Variants in RYR3 observed in about 807,000 individuals in gnomAD.
The protein encoded by RYR3 is ryanodine receptor 3, also known as brain ryanodine receptor-calcium release channel.
A neutral mutation model predicts 584.3 loss-of-function variants in RYR3; 207 were observed. The observed-to-expected ratio is 0.35, with a 90% CI of 0.32 to 0.40. The LOEUF is 0.40. RYR3 is among the 10% of genes least tolerant of loss of function. The pLI is 1.00. For synonymous variants in RYR3, 2,416 were observed against 2,248.5 expected (o/e 1.07, Z -2.11); for missense variants, 5,616 against 6,089.2 (o/e 0.92, Z 2.59).
At chr15:33,814,279 C>T (rs1242727298) in intron 74 of RYR3, among the ~76,000 whole-genome samples, 1 of 152,090 alleles carries the variant, frequency 6.6e-6, no homozygotes, top group Non-Finnish European at 1.5e-5. Context: ...TGTCCTCAGA[C>T]TTATTGCAGA....
intron 102 of RYR3, among the ~76,000 whole-genome samples, chr15:33,862,343 G>C (rs79583520): frequency 0.033 from 4,931 of 150,878 alleles, 161 homozygotes; most frequent in Non-Finnish European, 0.039. Context: ...TGAGTAGCTG[G>C]GACAGGTGTA....
chr15:33,672,877 G>T (rs989676825), intron 38 of RYR3, among the ~76,000 whole-genome samples: 1 of 152,138 alleles, frequency 6.6e-6, no homozygotes, highest in East Asian at 1.9e-4. Flanking sequence ...TATAGTTGGG[G>T]GAAGCAGGAC....
At chr15:33,793,180 G>C (rs1350233333) in intron 67 of RYR3, among the ~76,000 whole-genome samples, 2 of 152,200 alleles carry the variant, frequency 1.3e-5, no homozygotes, top group African/African-American at 2.4e-5. Flanking sequence ...AAATGGAAAA[G>C]ACGCATAGGG....
chr15:33,702,562 G>A (rs140342751), intron 42 of RYR3, among the ~76,000 whole-genome samples: 10 of 152,216 alleles, frequency 6.6e-5, no homozygotes, highest in Admixed American at 5.2e-4. Context: ...ATGAGTTTGG[G>A]GTCTGTCAAG....
intron 38 of RYR3, among the ~76,000 whole-genome samples, chr15:33,688,538 A>G (rs2065177999): frequency 6.9e-6 from 1 of 145,976 alleles, no homozygotes; most frequent in African/African-American, 2.6e-5. Flanking sequence ...GCGCCACTGC[A>G]CTCCAGCCTG....
At chr15:33,443,258 CAAA>C (rs5811759) in intron 1 of RYR3, among the ~76,000 whole-genome samples, 3 of 137,046 alleles carry the variant, frequency 2.2e-5, no homozygotes, top group African/African-American at 5.2e-5. Flanking sequence ...GACTCCACCT[CAAA>C]AAAAAAAAAA....
At chr15:33,746,870 G>T (rs1449878888) in intron 53 of RYR3, among the ~76,000 whole-genome samples, 1 of 146,042 alleles carries the variant, frequency 6.8e-6, no homozygotes, top group African/African-American at 2.5e-5. Context: ...GTGTAGTGGT[G>T]TGATCTCGGC....
intron 1 of RYR3, among the ~76,000 whole-genome samples, chr15:33,317,080 T>C (rs1968282982): frequency 6.6e-6 from 1 of 152,246 alleles, no homozygotes; most frequent in Admixed American, 6.5e-5. Flanking sequence ...GAGTTATTTT[T>C]TGTCATCTCA....
At position 33,830,967 on chromosome 15, in the gene RYR3, C is replaced by A; in HGVS notation, c.11339C>A (p.Ser3780Ter). The A allele has an allele frequency of 6.2e-7, 1 of 1,612,892 alleles. No homozygotes were observed. The highest frequency in any genetic ancestry group is 1.1e-5 in the South Asian group (1 of 90,796). The change falls in exon 86 of 104, where the codon TCA (serine) becomes TAA (stop). Residue 3780 changes from serine to a stop codon, truncating the protein, a stop_gained. Coordinates refer to ENST00000634891, the MANE Select transcript of RYR3 (RefSeq NM_001036.6). LOFTEE classifies it high-confidence loss of function. ...TVDYLLRLQESISDFYWYYSG... is the reference protein window; with the variant it reads ...TVDYLLRLQE ...GCTCTACTCATTTGTTTTTAGGAAT[C>A]AATCAGTGATTTCTACTGGTATTAT...
In RYR3 at chr15:33,855,038, A is replaced by G. The variant is rs2079502338; in HGVS notation, c.14007+126A>G. ...GGTATATAATGTACTTTTCTTGGCC[A>G]AACACTTCAACTAATGGTGATTGTT... is the stretch of plus-strand genomic sequence containing the variant. On this transcript the variant is annotated intron_variant, in intron 98 of 103. Coordinates refer to ENST00000634891, the MANE Select transcript of RYR3 (RefSeq NM_001036.6). 8.1e-6 allele frequency: 8 copies of G among 982,498 alleles called. No homozygotes were observed. The South Asian group carries it at 2.5e-4, about 30-fold the overall frequency. The allele number at this position is 982,498 out of a possible 1,614,324, so 60.9% of individuals were successfully genotyped here.
chr15:33,520,357 CATT>C (rs777686539), intron 3 of RYR3, among the ~76,000 whole-genome samples: 9 of 152,184 alleles, frequency 5.9e-5, no homozygotes, highest in African/African-American at 1.7e-4. Context: ...TGGAAATACT[CATT>C]ATGCTACATT....
At chr15:33,688,115 A>G (rs1169071501) in intron 38 of RYR3, among the ~76,000 whole-genome samples, 2 of 152,226 alleles carry the variant, frequency 1.3e-5, no homozygotes, top group Non-Finnish European at 2.9e-5. Context: ...CTACCATCAG[A>G]GTGAACAGGC....
chr15:33,710,429 G>A (rs1388818029), intron 43 of RYR3, among the ~76,000 whole-genome samples: 2 of 144,538 alleles, frequency 1.4e-5, no homozygotes, highest in African/African-American at 2.6e-5. Context: ...CTGCACCCTC[G>A]ACCTCCCAGC....
At chr15:33,583,037 C>T (rs573674343) in intron 14 of RYR3, among the ~76,000 whole-genome samples, 1 of 152,206 alleles carries the variant, frequency 6.6e-6, no homozygotes, top group Admixed American at 6.5e-5. Context: ...TATTTTCTCC[C>T]TCTCTCTGCA....
chr15:33,774,495 A>G (rs1025909665), intron 64 of RYR3, among the ~76,000 whole-genome samples: 5 of 152,218 alleles, frequency 3.3e-5, no homozygotes, highest in Admixed American at 1.3e-4. Flanking sequence ...CAGAACTTAT[A>G]TTTATTCAAA....
intron 18 of RYR3, among the ~76,000 whole-genome samples, chr15:33,605,992 G>GAACATACTGAAGTATGTCTTT (rs1169156703): frequency 6.6e-6 from 1 of 152,248 alleles, no homozygotes. Context: ...CCACTGCCTT[G>GAACATACTGAAGTATGTCTTT]AACATACTGA....
At chr15:33,592,695 C>A (rs762078874) in intron 16 of RYR3, among the ~76,000 whole-genome samples, 5 of 152,190 alleles carry the variant, frequency 3.3e-5, no homozygotes, top group Non-Finnish European at 7.3e-5. Flanking sequence ...CAAGATACCC[C>A]CTGTCAGTCA....
Position 33,705,101 on chromosome 15 carries a change from TTCTCTCTCTCTCTCTCTCTCTC to T in RYR3, c.6484-1805_6484-1784del, listed in dbSNP as rs10534581. On this transcript the variant is annotated intron_variant, in intron 42 of 103. Transcript: ENST00000634891. ...GCACACACACATGCACACACACTCT[TTCTCTCTCTCTCTCTCTCTCTC>T]TCTCTCTCTCTCATATGGGCAATTA... Among the ~76,000 whole-genome samples the T allele has an allele frequency of 7.0e-5, 10 of 142,216 alleles. No individual in the cohort carries two copies. In the South Asian group the frequency reaches 2.3e-3, roughly 33 times the overall value. The allele number at this position is 142,216 out of a possible 152,430, so 93.3% of individuals were successfully genotyped here.
intron 5 of RYR3, among the ~76,000 whole-genome samples, chr15:33,536,659 A>C (rs2055356707): frequency 6.6e-6 from 1 of 152,142 alleles, no homozygotes; most frequent in South Asian, 2.1e-4. Context: ...TTAAAGATGC[A>C]TACAACATTT....
Sources: gnomAD v4.1 joint callset for allele counts (sites outside exome capture counted in the v4.1 genomes callset) on GRCh38, gnomAD v4.1.1 for gene constraint, MANE v1.5 for transcripts, NCBI Gene and HGNC (gene_info 2026-07-23, HGNC 2026-07-21) for gene names.